DUSP18: variants seen among roughly 807,000 people sequenced by gnomAD.
DUSP18 encodes the protein dual specificity protein phosphatase 18.
DUSP18 carries 4 observed loss-of-function variants against 6.3 expected under a neutral mutation model. That is an observed-to-expected ratio of 0.63 (90% CI 0.31 to 1.45). DUSP18 has a LOEUF of 1.45. DUSP18 is among the 40% of genes most tolerant of loss of function. The pLI is 0.07. For synonymous variants in DUSP18, 96 were observed against 95.1 expected (o/e 1.01, Z -0.05); for missense variants, 235 against 247.7 (o/e 0.95, Z 0.34).
intron 2 of DUSP18, among the ~76,000 whole-genome samples, chr22:30,653,294 CCTG>C (rs1205204647): frequency 6.6e-6 from 1 of 152,120 alleles, no homozygotes; most frequent in East Asian, 1.9e-4. Flanking sequence ...GTTCTCTATG[CCTG>C]CTGAAGTTTT....
At chr22:30,667,154 C>G (rs2088703650) in intron 1 of DUSP18, 1 of 152,166 alleles carries the variant, frequency 6.6e-6, no homozygotes, top group Admixed American at 6.5e-5. Flanking sequence ...GCAACCTAAT[C>G]AGACCGGCGT....
At chr22:30,654,911 C>T (rs115736260) in intron 2 of DUSP18, 6,805 of 166,462 alleles carry the variant, frequency 0.041, 322 homozygotes, top group East Asian at 0.24. Context: ...GCCAGATTTC[C>T]CTGGAACCCT....
At chr22:30,655,428 C>T (rs1317787) in intron 2 of DUSP18, among the ~76,000 whole-genome samples, 85,918 of 121,376 alleles carry the variant, frequency 0.71, 27,899 homozygotes, top group East Asian at 0.83. Flanking sequence ...TGAGATCCTA[C>T]CAAAAAAAAA....
At chr22:30,654,279 C>G (rs549007988) in intron 2 of DUSP18, 1 of 442,182 alleles carries the variant, frequency 2.3e-6, no homozygotes, top group African/African-American at 2.0e-5. Context: ...CCACCGCGCC[C>G]GGCCATCCCA....
Position 30,663,446 on chromosome 22 carries a change from A to G in DUSP18, c.558T>C (p.Ile186=). The G allele has an allele frequency of 6.2e-7, 1 of 1,608,866 alleles. No homozygotes were observed. Among genetic ancestry groups the G allele is most frequent in the Non-Finnish European group, 8.5e-7 (1 of 1,175,642 alleles). The change falls in exon 2 of 2, where the codon ATT becomes ATC. Residue 186 remains isoleucine, a synonymous_variant. Coordinates refer to ENST00000334679, the MANE Select transcript of DUSP18 (RefSeq NM_152511.5). The stretch of plus-strand genomic sequence containing the variant: ...GGGCTCGTGGGATGGCTCACAGTGG[A>G]ATCATCAAACGGACTTCCTTCTCAT... ...DIYEKEVRLM[I]PL
chr22:30,652,585 T>C (rs1266079318), intron 2 of DUSP18, among the ~76,000 whole-genome samples: 2 of 152,210 alleles, frequency 1.3e-5, no homozygotes, highest in African/African-American at 4.8e-5. Flanking sequence ...ATGGAGTCAA[T>C]TAAGTTAGAT....
rs560289108 is a variant in DUSP18 at position 30,663,836 on chromosome 22, T to G, written c.168A>C (p.Val56=). ...GGATATCCTCATACAAGGTGTTCAC[T>G]ACCTCCACTGAGACATTGATGACCA... The part of the protein sequence containing the change: ...ITMVINVSVE[V]VNTLYEDIQY... The change falls in exon 2 of 2, where the codon GTA becomes GTC. Residue 56 remains valine, a synonymous_variant. Coordinates refer to ENST00000334679, the MANE Select transcript of DUSP18 (RefSeq NM_152511.5). 46 of 1,614,108 alleles carry G rather than the reference T, an allele frequency of 2.8e-5. No homozygotes were observed. The South Asian group carries it at 4.8e-4, about 17-fold the overall frequency.
rs746793821 is a variant in DUSP18, at chr22:30,667,552, T to A, written c.-168A>T. 2.0e-5 allele frequency: 3 copies of A among 152,332 alleles called. No homozygotes were observed. The highest frequency in any genetic ancestry group is 6.5e-5 in the Admixed American group (1 of 15,284). The allele number at this position is 152,332 out of a possible 1,614,324, so 9.4% of individuals were successfully genotyped here. On this transcript the variant is annotated 5_prime_UTR_variant, in exon 1 of 2. An upstream start codon of the reference 5' UTR is lost. Transcript: ENST00000334679. ...GGTTCTTCGGGAGAGAGACCCGTCA[T>A]GATCCCGCAGCCTCAATCCCCGCTG...
At chr22:30,654,596 T>G in intron 2 of DUSP18, 1 of 464,388 alleles carries the variant, frequency 2.2e-6, no homozygotes, top group Non-Finnish European at 4.3e-6. Context: ...CCGGAAGTGG[T>G]GGGGGCCCAG....
Position 30,663,852 on chromosome 22 carries a change from T to C in DUSP18, c.152A>G (p.Asn51Ser), listed in dbSNP as rs767664833. The C allele has an allele frequency of 8.7e-6, 14 of 1,614,194 alleles. No homozygotes were observed. Among genetic ancestry groups the C allele is most frequent in the South Asian group, 1.1e-5 (1 of 91,076 alleles). ...LSSNQITMVINVSVEVVNTLY... is the reference protein window; with the variant it reads ...LSSNQITMVISVSVEVVNTLY... ...GGTGTTCACTACCTCCACTGAGACA[T>C]TGATGACCATGGTGATCTGGTTGCT... The change falls in exon 2 of 2, where the codon AAT becomes AGT. Residue 51 changes from asparagine (N) to serine (S), a missense_variant. Physicochemically the swap from Asn to Ser is conservative, Grantham distance 46. Transcript: ENST00000334679.
Position 30,663,447 on chromosome 22 carries a change from A to C in DUSP18, c.557T>G (p.Ile186Ser). 1 of 1,609,040 alleles carries C rather than the reference A, an allele frequency of 6.2e-7. No homozygotes were observed. The highest frequency in any genetic ancestry group is 8.5e-7 in the Non-Finnish European group (1 of 1,175,738). The change falls in exon 2 of 2, where the codon ATT (isoleucine) becomes AGT (serine). Residue 186 changes from isoleucine (I) to serine (S), a missense_variant. Transcript: ENST00000334679. ...GGCTCGTGGGATGGCTCACAGTGGA[A>C]TCATCAAACGGACTTCCTTCTCATA... ...DIYEKEVRLM[I>S]PL is the part of the protein sequence containing the mutation.
At chr22:30,657,940 A>G (rs1602094890), downstream of DUSP18, among the ~76,000 whole-genome samples, 2 of 144,534 alleles carry the variant, frequency 1.4e-5, no homozygotes, top group East Asian at 4.0e-4. Flanking sequence ...TAATAATAAT[A>G]ATAATAATAA....
intron 2 of DUSP18, among the ~76,000 whole-genome samples, chr22:30,653,474 C>G (rs1226841750): frequency 6.6e-6 from 1 of 151,562 alleles, no homozygotes; most frequent in Non-Finnish European, 1.5e-5. Flanking sequence ...TGGGTTCAAG[C>G]GATTCTCCTG....
intron 2 of DUSP18, among the ~76,000 whole-genome samples, chr22:30,655,822 C>T (rs71331255): frequency 0.012 from 1,771 of 152,202 alleles, 7 homozygotes; most frequent in Admixed American, 0.018. Context: ...AAGTCAAAGC[C>T]AAGAGGTGGA....
intron 2 of DUSP18, among the ~76,000 whole-genome samples, chr22:30,655,588 C>T (rs986235997): frequency 4.6e-5 from 7 of 151,856 alleles, no homozygotes; most frequent in African/African-American, 1.7e-4. Context: ...AATGGGCCTG[C>T]CTTAGTATCC....
At chr22:30,656,279 T>C (rs2088336923) in intron 2 of DUSP18, among the ~76,000 whole-genome samples, 1 of 152,078 alleles carries the variant, frequency 6.6e-6, no homozygotes, top group Non-Finnish European at 1.5e-5. Flanking sequence ...ACTTGGACTC[T>C]AAGGGCATTT....
intron 1 of DUSP18, chr22:30,666,904 T>G (rs2088692261): frequency 1.3e-5 from 2 of 152,200 alleles, no homozygotes; most frequent in Admixed American, 1.3e-4. Context: ...TAACTATTTT[T>G]CTCGCTTCTG....
At chr22:30,666,632 A>AAAAAG (rs1569075352) in intron 1 of DUSP18, among the ~76,000 whole-genome samples, 2 of 150,868 alleles carry the variant, frequency 1.3e-5, no homozygotes, top group African/African-American at 4.9e-5. Flanking sequence ...AAAAAAAAAA[A>AAAAAG]AAAAAAAAAA....
chr22:30,666,324 A>T (rs1198600126), intron 1 of DUSP18, among the ~76,000 whole-genome samples: 1 of 152,180 alleles, frequency 6.6e-6, no homozygotes, highest in Non-Finnish European at 1.5e-5. Context: ...ATGCTAGTTA[A>T]GAAATATCTA....
Sources: allele counts gnomAD v4.1 joint callset (sites outside exome capture counted in the v4.1 genomes callset), GRCh38; gene constraint gnomAD v4.1.1; transcripts MANE v1.5; gene names NCBI Gene and HGNC (gene_info 2026-07-23, HGNC 2026-07-21).